SGCZ: variants seen among roughly 807,000 people sequenced by gnomAD.
SGCZ encodes sarcoglycan zeta, also known as zeta-sarcoglycan.
SGCZ carries 40 observed loss-of-function variants against 41.3 expected under a neutral mutation model. That is an observed-to-expected ratio of 0.97 (90% confidence interval 0.75 to 1.26). SGCZ has a LOEUF of 1.26. Ranked by LOEUF, SGCZ falls within the 50% of genes most tolerant of loss-of-function variation. The probability of loss-of-function intolerance (pLI) is 0.00; values close to 1 mark genes in which losing one functional copy is unlikely to be tolerated. For missense variants in SGCZ, 552 were observed against 369.8 expected (o/e 1.49, Z -4.04); for synonymous variants, 206 against 137.5 (o/e 1.50, Z -3.49).
At chr8:14,678,773 A>G (rs1808351789) in intron 1 of SGCZ, among the ~76,000 whole-genome samples, 1 of 152,240 alleles carries the variant, frequency 6.6e-6, no homozygotes, top group South Asian at 2.1e-4. Context: ...AAAACTTGGA[A>G]GCAACCAAGA....
chr8:14,499,863 G>C (rs1446160498), intron 2 of SGCZ, among the ~76,000 whole-genome samples: 1 of 151,826 alleles, frequency 6.6e-6, no homozygotes, highest in Non-Finnish European at 1.5e-5. Flanking sequence ...TCTTCAAATA[G>C]TATGCTTTGA....
At chr8:15,172,222 C>T (rs1297142792) in intron 1 of SGCZ, among the ~76,000 whole-genome samples, 5 of 118,496 alleles carry the variant, frequency 4.2e-5, no homozygotes, top group Non-Finnish European at 4.8e-5. Context: ...AGCGCAGTGG[C>T]GCGATCTCGA....
At chr8:15,125,965 G>A (rs187448033) in intron 1 of SGCZ, among the ~76,000 whole-genome samples, 142 of 152,240 alleles carry the variant, frequency 9.3e-4, no homozygotes, top group African/African-American at 3.3e-3. Context: ...GACCAATATG[G>A]TGAAACCCCG....
chr8:14,116,843 C>A (rs1322649934), intron 5 of SGCZ, among the ~76,000 whole-genome samples: 1 of 152,050 alleles, frequency 6.6e-6, no homozygotes, highest in African/African-American at 2.4e-5. Context: ...TGTCTGGTTT[C>A]CTTAATAATG....
intron 3 of SGCZ, among the ~76,000 whole-genome samples, chr8:14,274,960 G>A (rs13275676): frequency 0.26 from 38,999 of 151,890 alleles, 6,400 homozygotes; most frequent in Non-Finnish European, 0.37. Context: ...AGGTTTGGTC[G>A]TTCATGATCT....
At chr8:14,181,598 C>T (rs1804728936) in intron 4 of SGCZ, among the ~76,000 whole-genome samples, 1 of 152,222 alleles carries the variant, frequency 6.6e-6, no homozygotes, top group Admixed American at 6.5e-5. Context: ...ATGGAGATAA[C>T]TGAAGCATGG....
chr8:14,286,998 A>G (rs1008547127), intron 3 of SGCZ, among the ~76,000 whole-genome samples: 2 of 151,992 alleles, frequency 1.3e-5, no homozygotes, highest in African/African-American at 2.4e-5. Flanking sequence ...ACTTGTGCAT[A>G]TTAGCCATGT....
chr8:15,006,214 C>G (rs903389904), intron 1 of SGCZ, among the ~76,000 whole-genome samples: 1 of 152,166 alleles, frequency 6.6e-6, no homozygotes, highest in Non-Finnish European at 1.5e-5. Context: ...TAGCACTAGA[C>G]ATACTGATGA....
intron 1 of SGCZ, among the ~76,000 whole-genome samples, chr8:14,707,248 T>A (rs895568374): frequency 6.9e-6 from 1 of 144,920 alleles, no homozygotes; most frequent in African/African-American, 2.5e-5. Flanking sequence ...GTGTTCTCAT[T>A]GTTCAATTAC....
Position 15,061,939 on chromosome 8 carries a change from A to G in SGCZ, c.39+175646T>C, listed in dbSNP as rs575296153. On this transcript the variant is annotated intron_variant, in intron 1 of 7. Coordinates refer to ENST00000382080, the MANE Select transcript of SGCZ (RefSeq NM_139167.4). ...CAGGTTTGACTCCTGCCCAGTATCT[A>G]GCTGATTTTTGTGGCTTGCCAAAGC... is the stretch of plus-strand genomic sequence containing the variant. Among the ~76,000 whole-genome samples, 13 of 152,322 alleles carry G rather than the reference A, an allele frequency of 8.5e-5. No individual in the cohort carries two copies. The East Asian group carries it at 2.3e-3, about 27-fold the overall frequency.
At chr8:15,185,835 T>C (rs1010165516) in intron 1 of SGCZ, among the ~76,000 whole-genome samples, 1 of 152,182 alleles carries the variant, frequency 6.6e-6, no homozygotes, top group African/African-American at 2.4e-5. Flanking sequence ...GTATGTAAAA[T>C]GCATGACTTA....
intron 2 of SGCZ, among the ~76,000 whole-genome samples, chr8:14,463,334 T>C (rs1381667886): frequency 6.7e-6 from 1 of 149,380 alleles, no homozygotes; most frequent in African/African-American, 2.5e-5. Context: ...CAGTAATCAA[T>C]AGTGTAGTAC....
intron 1 of SGCZ, among the ~76,000 whole-genome samples, chr8:14,946,415 T>C (rs1053066888): frequency 6.6e-6 from 1 of 152,042 alleles, no homozygotes; most frequent in Non-Finnish European, 1.5e-5. Flanking sequence ...CTAACTGCCC[T>C]GTAGCCAATA....
chr8:15,229,388 A>G (rs749548243), intron 1 of SGCZ, among the ~76,000 whole-genome samples: 5 of 152,234 alleles, frequency 3.3e-5, no homozygotes, highest in Non-Finnish European at 7.3e-5. Context: ...TTATGAGGCT[A>G]GGAATTAAAG....
chr8:14,871,149 G>A lies in SGCZ; in HGVS notation c.40-316223C>T, dbSNP rs577342277. 1.1e-3 allele frequency among the ~76,000 whole-genome samples: 170 copies of A among 152,140 alleles called. 1 individual carries two copies. Among genetic ancestry groups the A allele is most frequent in the Non-Finnish European group, 6.6e-4 (45 of 68,002 alleles). ...TTGAACCCAAGAGGCAGAGGTTAAC[G>A]TGAGCCAAGATCACATCATTGCACT... On this transcript the variant is annotated intron_variant, in intron 1 of 7. Coordinates refer to ENST00000382080, the MANE Select transcript of SGCZ (RefSeq NM_139167.4).
intron 2 of SGCZ, among the ~76,000 whole-genome samples, chr8:14,532,815 C>G (rs758785954): frequency 6.6e-6 from 1 of 151,140 alleles, no homozygotes; most frequent in South Asian, 2.1e-4. Context: ...AAGAAAGTCC[C>G]GACTCACTAC....
chr8:14,477,865 C>A (rs538657986), intron 2 of SGCZ, among the ~76,000 whole-genome samples: 58 of 152,284 alleles, frequency 3.8e-4, no homozygotes, highest in African/African-American at 1.3e-3. Context: ...CTCCTTGGTC[C>A]TGTCACCTTC....
At chr8:14,615,029 A>G (rs764375950) in intron 1 of SGCZ, among the ~76,000 whole-genome samples, 2 of 152,038 alleles carry the variant, frequency 1.3e-5, no homozygotes, top group Non-Finnish European at 2.9e-5. Context: ...TATATATGAA[A>G]GCTTGTTACA....
intron 1 of SGCZ, among the ~76,000 whole-genome samples, chr8:14,565,758 T>C (rs1040651271): frequency 1.3e-5 from 2 of 152,038 alleles, no homozygotes; most frequent in Non-Finnish European, 2.9e-5. Context: ...TGTCTTGTAT[T>C]CTAACACCAA....
Sources: gnomAD v4.1 joint callset for allele counts (sites outside exome capture counted in the v4.1 genomes callset) on GRCh38, gnomAD v4.1.1 for gene constraint, MANE v1.5 for transcripts, NCBI Gene and HGNC (gene_info 2026-07-23, HGNC 2026-07-21) for gene names.